The following SUGCT variants were observed in gnomAD, a reference collection of about 807,000 sequenced individuals.
SUGCT encodes the protein succinyl-CoA:glutarate CoA-transferase.
A neutral mutation model predicts 55.0 loss-of-function variants in SUGCT; 41 were observed. The observed-to-expected ratio is 0.74, with a 90% confidence interval of 0.58 to 0.97. The LOEUF is 0.97. Ranked by LOEUF, SUGCT falls within the 50% of genes least tolerant of loss-of-function variation. The probability of loss-of-function intolerance (pLI) is 0.00; values close to 1 mark genes in which losing one functional copy is unlikely to be tolerated. For synonymous variants in SUGCT, 187 were observed against 200.4 expected, an observed-to-expected ratio of 0.93 and a Z score of 0.56; for missense variants, 568 against 547.8, an observed-to-expected ratio of 1.04 and a Z score of -0.37.
chr7:40,165,381 A>T (rs1784368603), intron 1 of SUGCT, among the ~76,000 whole-genome samples: 2 of 152,092 alleles, frequency 1.3e-5, no homozygotes, highest in African/African-American at 4.8e-5. Context: ...GTGTCGTCTA[A>T]ACCCCAGGGC....
chr7:40,985,367 A>G, the SUGCT span, among the ~76,000 whole-genome samples: 1 of 152,230 alleles, frequency 6.6e-6, no homozygotes, highest in South Asian at 2.1e-4. Context: ...AGCGCAGTGC[A>G]GGAGATAGAC....
intron 13 of SUGCT, among the ~76,000 whole-genome samples, chr7:40,772,873 C>T (rs1789248519): frequency 6.6e-6 from 1 of 152,074 alleles, no homozygotes; most frequent in Admixed American, 6.5e-5. Context: ...AATCTGCCCG[C>T]CACGGCCTCC....
intron 12 of SUGCT, among the ~76,000 whole-genome samples, chr7:40,619,821 T>C (rs1439362656): frequency 3.3e-5 from 5 of 152,222 alleles, no homozygotes; most frequent in Non-Finnish European, 7.3e-5. Flanking sequence ...TAGTTTCCAT[T>C]AGTGGGCTTA....
intron 12 of SUGCT, among the ~76,000 whole-genome samples, chr7:40,569,036 G>A (rs971709099): frequency 7.9e-5 from 12 of 152,154 alleles, no homozygotes; most frequent in African/African-American, 1.4e-4. Flanking sequence ...TAATACATGC[G>A]TTGGCCCAAG....
intron 9 of SUGCT, among the ~76,000 whole-genome samples, chr7:40,322,011 T>G (rs1006314943): frequency 6.6e-6 from 1 of 152,210 alleles, no homozygotes. Flanking sequence ...ATCTCTATAC[T>G]GTTCTCCATA....
chr7:40,478,879 A>G (rs1370883191), intron 11 of SUGCT, among the ~76,000 whole-genome samples: 1 of 152,152 alleles, frequency 6.6e-6, no homozygotes, highest in African/African-American at 2.4e-5. Context: ...TATAATGTCA[A>G]ATCAAATCGA....
intron 13 of SUGCT, among the ~76,000 whole-genome samples, chr7:40,780,772 CTTCTT>C (rs1335343738): frequency 8.1e-6 from 1 of 122,946 alleles, no homozygotes; most frequent in Non-Finnish European, 1.8e-5. Context: ...TCTTCTTCTT[CTTCTT>C]TTTTTTTTTT....
intron 8 of SUGCT, among the ~76,000 whole-genome samples, chr7:40,276,823 G>GTA (rs1792525218): frequency 6.6e-6 from 1 of 151,014 alleles, no homozygotes; most frequent in African/African-American, 2.4e-5. Context: ...GTGTGTGTCT[G>GTA]TCTGTCTGTC....
chr7:40,242,455 A>G lies in SUGCT; in HGVS notation c.576+4729A>G, dbSNP rs181956882. ...CCAAAGTGCTGGGATTACAGGTGTG[A>G]GCCACCATGCCGAGCCTCGTATTGA... is the stretch of plus-strand genomic sequence containing the variant. On this transcript the variant is annotated intron_variant, in intron 7 of 13. Coordinates refer to ENST00000335693, the MANE Select transcript of SUGCT (RefSeq NM_001193313.2). 8.4e-4 allele frequency among the ~76,000 whole-genome samples: 128 copies of G among 152,162 alleles called. 1 individual carries two copies. Among genetic ancestry groups the G allele is most frequent in the African/African-American group, 2.9e-3 (121 of 41,528 alleles).
intron 12 of SUGCT, among the ~76,000 whole-genome samples, chr7:40,612,671 T>G (rs1228227866): frequency 6.6e-6 from 1 of 152,216 alleles, no homozygotes; most frequent in East Asian, 1.9e-4. Context: ...GTGGGAATAA[T>G]TACAGCTTGT....
chr7:40,431,368 A>C (rs1452500081), intron 9 of SUGCT, among the ~76,000 whole-genome samples: 1 of 152,154 alleles, frequency 6.6e-6, no homozygotes, highest in East Asian at 1.9e-4. Context: ...TAAATCAGGA[A>C]GTGTGATGCT....
At chr7:40,921,636 C>G in the SUGCT span, among the ~76,000 whole-genome samples, 1 of 152,210 alleles carries the variant, frequency 6.6e-6, no homozygotes, top group Non-Finnish European at 1.5e-5. Flanking sequence ...TAAGCAAGAA[C>G]AGCACAATCA....
At chr7:40,254,133 G>C (rs1172200613) in intron 7 of SUGCT, among the ~76,000 whole-genome samples, 4 of 152,164 alleles carry the variant, frequency 2.6e-5, no homozygotes, top group Non-Finnish European at 5.9e-5. Context: ...AAGGAAAGCC[G>C]AAAGAAGAGT....
At chr7:40,177,274 G>C (rs1251569015) in intron 1 of SUGCT, among the ~76,000 whole-genome samples, 1 of 152,076 alleles carries the variant, frequency 6.6e-6, no homozygotes, top group Non-Finnish European at 1.5e-5. Context: ...TAAGCCACCA[G>C]CTATTCAGAT....
chr7:40,621,643 G>A (rs569766366), intron 12 of SUGCT, among the ~76,000 whole-genome samples: 3 of 152,150 alleles, frequency 2.0e-5, no homozygotes, highest in Non-Finnish European at 4.4e-5. Flanking sequence ...AAGGAAGAAG[G>A]GGGTGTTTCA....
intron 12 of SUGCT, among the ~76,000 whole-genome samples, chr7:40,500,148 T>G (rs1468505195): frequency 6.6e-6 from 1 of 152,234 alleles, no homozygotes; most frequent in Non-Finnish European, 1.5e-5. Flanking sequence ...TTGATTAAAC[T>G]GCTCAATTAA....
At chr7:40,916,576 A>G in the SUGCT span, among the ~76,000 whole-genome samples, 1 of 152,242 alleles carries the variant, frequency 6.6e-6, no homozygotes, top group Non-Finnish European at 1.5e-5. Context: ...GCATCCTATC[A>G]TAACTGAATC....
the SUGCT span, among the ~76,000 whole-genome samples, chr7:40,929,322 A>G: frequency 6.6e-6 from 1 of 152,166 alleles, no homozygotes; most frequent in African/African-American, 2.4e-5. Context: ...CCAGTCTATC[A>G]TTGATAGGCA....
intron 9 of SUGCT, among the ~76,000 whole-genome samples, chr7:40,439,064 G>GTGTGTATA (rs1283539157): frequency 9.6e-4 from 26 of 27,188 alleles, no homozygotes; most frequent in Non-Finnish European, 1.3e-3. Context: ...TATATATGGT[G>GTGTGTATA]TATATATATA....
Sources: gnomAD v4.1 joint callset for allele counts (sites outside exome capture counted in the v4.1 genomes callset) on GRCh38, gnomAD v4.1.1 for gene constraint, MANE v1.5 for transcripts, NCBI Gene and HGNC (gene_info 2026-07-23, HGNC 2026-07-21) for gene names.